The following WWOX variants were observed in gnomAD, a reference collection of about 807,000 sequenced individuals.
The protein encoded by WWOX is WW domain containing oxidoreductase.
In WWOX, 69 loss-of-function variants were observed where a neutral mutation model predicts 46.2. That is an observed-to-expected ratio of 1.49 (90% CI 1.23 to 1.82). The LOEUF (loss-of-function observed/expected upper bound fraction) is 1.82, where lower values mean the gene tolerates loss of function less well. Among genes scored for constraint, WWOX ranks in the 40% most tolerant of loss-of-function variants. The pLI, the probability that WWOX is intolerant of heterozygous loss-of-function variation, is 0.00. For missense variants in WWOX, 919 were observed against 542.6 expected, an observed-to-expected ratio of 1.69 and a Z score of -6.89; for synonymous variants, 359 against 202.6, an observed-to-expected ratio of 1.77 and a Z score of -6.56.
At chr16:78,949,485 A>G (rs888756896) in intron 8 of WWOX, among the ~76,000 whole-genome samples, 5 of 152,126 alleles carry the variant, frequency 3.3e-5, no homozygotes, top group Admixed American at 2.6e-4. Flanking sequence ...CCTGCATTCA[A>G]TAGAATTGCT....
chr16:78,800,760 C>T (rs2050865297), intron 8 of WWOX, among the ~76,000 whole-genome samples: 2 of 152,146 alleles, frequency 1.3e-5, no homozygotes, highest in African/African-American at 4.8e-5. Flanking sequence ...TAGCTAAGGT[C>T]AGTGTGTCTG....
At chr16:78,525,776 G>A (rs1391691321) in intron 8 of WWOX, 2 of 148,596 alleles carry the variant, frequency 1.3e-5, no homozygotes, top group African/African-American at 2.5e-5. Flanking sequence ...TGTCCCATTT[G>A]TACTGACTCT....
intron 8 of WWOX, among the ~76,000 whole-genome samples, chr16:78,906,730 A>C (rs1597133646): frequency 6.6e-6 from 1 of 152,314 alleles, no homozygotes; most frequent in East Asian, 1.9e-4. Flanking sequence ...GCCCAGTTTA[A>C]GCTCTGAAAG....
At chr16:78,944,812 G>C (rs1463443870) in intron 8 of WWOX, among the ~76,000 whole-genome samples, 2 of 152,144 alleles carry the variant, frequency 1.3e-5, no homozygotes, top group African/African-American at 2.4e-5. Context: ...GAGGTTCCTT[G>C]ACATTCCCAC....
At chr16:78,898,727 A>C (rs9937233) in intron 8 of WWOX, 3 of 152,114 alleles carry the variant, frequency 2.0e-5, no homozygotes, top group Admixed American at 6.5e-5. Flanking sequence ...TGAAAGTGTT[A>C]AGCGTTACCA....
chr16:78,886,217 G>C (rs369597917), intron 8 of WWOX, among the ~76,000 whole-genome samples: 1 of 140,844 alleles, frequency 7.1e-6, no homozygotes, highest in African/African-American at 2.5e-5. Flanking sequence ...GAACCACTGC[G>C]CCTGACTGTA....
chr16:78,144,080 A>T (rs1293263624), intron 4 of WWOX, among the ~76,000 whole-genome samples: 2 of 152,274 alleles, frequency 1.3e-5, no homozygotes, highest in African/African-American at 4.8e-5. Flanking sequence ...TCACATCTGT[A>T]AGAAATTTTC....
At chr16:78,207,449 G>GGCTT (rs2036428946) in intron 5 of WWOX, among the ~76,000 whole-genome samples, 1 of 150,868 alleles carries the variant, frequency 6.6e-6, no homozygotes, top group South Asian at 2.1e-4. Flanking sequence ...TATCTAAGAG[G>GGCTT]GCTTGTCTTT....
At chr16:78,841,360 A>C (rs1197106477) in intron 8 of WWOX, among the ~76,000 whole-genome samples, 1 of 152,204 alleles carries the variant, frequency 6.6e-6, no homozygotes, top group East Asian at 1.9e-4. Context: ...GTTGGGTGCT[A>C]GACATGCCCT....
intron 8 of WWOX, among the ~76,000 whole-genome samples, chr16:78,748,541 C>T (rs2049402667): frequency 1.3e-5 from 2 of 152,152 alleles, no homozygotes; most frequent in Admixed American, 1.3e-4. Flanking sequence ...TGGCAGCAAG[C>T]CTGCTTTACC....
intron 5 of WWOX, among the ~76,000 whole-genome samples, chr16:78,248,447 G>A (rs1024743646): frequency 4.6e-5 from 7 of 152,150 alleles, no homozygotes; most frequent in Admixed American, 3.3e-4. Context: ...ATTACATTTG[G>A]ACATGAAGGC....
At chr16:78,792,018 C>T (rs910661006) in intron 8 of WWOX, among the ~76,000 whole-genome samples, 1 of 151,950 alleles carries the variant, frequency 6.6e-6, no homozygotes, top group Non-Finnish European at 1.5e-5. Flanking sequence ...CTGGACATTC[C>T]CTTATTTCAC....
intron 8 of WWOX, among the ~76,000 whole-genome samples, chr16:78,699,122 A>G (rs771673391): frequency 3.9e-5 from 6 of 152,208 alleles, no homozygotes; most frequent in African/African-American, 9.6e-5. Flanking sequence ...ACACAAATCA[A>G]TGCACCATCT....
Position 79,128,047 on chromosome 16 carries a change from C to T in WWOX, c.1057-83561C>T, listed in dbSNP as rs560809259. Among the ~76,000 whole-genome samples the T allele has an allele frequency of 4.6e-5, 7 of 152,246 alleles. No individual in the cohort carries two copies. The East Asian group carries it at 5.8e-4, about 13-fold the overall frequency. ...GAGTGACTGGATGTGAGGAATGGAG[C>T]AGGGGAGATGCTGATGATTTGGTTA... On this transcript the variant is annotated intron_variant, in intron 8 of 8. Coordinates refer to ENST00000566780, the MANE Select transcript of WWOX (RefSeq NM_016373.4).
At chr16:78,585,270 G>A (rs1347384464) in intron 8 of WWOX, among the ~76,000 whole-genome samples, 2 of 152,214 alleles carry the variant, frequency 1.3e-5, no homozygotes, top group African/African-American at 4.8e-5. Context: ...AGGGCCAAGA[G>A]AAGACCAGGC....
chr16:78,702,366 C>A (rs1418328541), intron 8 of WWOX, among the ~76,000 whole-genome samples: 1 of 151,544 alleles, frequency 6.6e-6, no homozygotes, highest in African/African-American at 2.4e-5. Flanking sequence ...ATGATGTAAC[C>A]AGGCTGGGCA....
intron 8 of WWOX, among the ~76,000 whole-genome samples, chr16:78,441,507 C>T (rs1316679458): frequency 6.6e-6 from 1 of 152,072 alleles, no homozygotes; most frequent in African/African-American, 2.4e-5. Flanking sequence ...CCCCCAGGCT[C>T]ATGGTCAAAT....
chr16:78,753,416 G>A (rs1020715932), intron 8 of WWOX, among the ~76,000 whole-genome samples: 5 of 152,120 alleles, frequency 3.3e-5, no homozygotes, highest in Non-Finnish European at 7.4e-5. Context: ...GGGGTTGGGA[G>A]GACCAGTCAC....
intron 8 of WWOX, among the ~76,000 whole-genome samples, chr16:78,595,092 G>T (rs1329925917): frequency 6.6e-6 from 1 of 152,204 alleles, no homozygotes; most frequent in African/African-American, 2.4e-5. Flanking sequence ...TGCGCATGAG[G>T]CTGTGTTAGC....
Sources: gnomAD v4.1 joint callset for allele counts (sites outside exome capture counted in the v4.1 genomes callset) on GRCh38, gnomAD v4.1.1 for gene constraint, MANE v1.5 for transcripts, NCBI Gene and HGNC (gene_info 2026-07-23, HGNC 2026-07-21) for gene names.